The following CTNNA2 variants were observed in gnomAD, a reference collection of about 807,000 sequenced individuals.
The protein encoded by CTNNA2 is catenin alpha 2, also known as catenin alpha-2.
In CTNNA2, 42 loss-of-function variants were observed where a neutral mutation model predicts 101.0. That is an observed-to-expected ratio of 0.42 (90% CI 0.32 to 0.54). The LOEUF (loss-of-function observed/expected upper bound fraction) is 0.54, where lower values mean the gene tolerates loss of function less well. Ranked by LOEUF, CTNNA2 falls within the 20% of genes least tolerant of loss-of-function variation. CTNNA2 has a pLI of 0.14. For missense variants in CTNNA2, 871 were observed against 1,223.1 expected, an observed-to-expected ratio of 0.71 and a Z score of 4.29; for synonymous variants, 450 against 456.4, an observed-to-expected ratio of 0.99 and a Z score of 0.18.
chr2:80,345,307 G>C (rs1273860437), intron 7 of CTNNA2, among the ~76,000 whole-genome samples: 1 of 152,138 alleles, frequency 6.6e-6, no homozygotes, highest in Non-Finnish European at 1.5e-5. Flanking sequence ...TCCTGCTTCA[G>C]AGCCATTTAC....
In CTNNA2 at chr2:80,172,397, C is replaced by T. The variant is rs116894841; in HGVS notation, c.1057-220814C>T. ...AGACTATGGGGTTTGTTCCTTTAAC[C>T]GATACTGTAGGAAGGACACTGTTCT... On this transcript the variant is annotated intron_variant, in intron 7 of 18. Coordinates refer to ENST00000402739, the MANE Select transcript of CTNNA2 (RefSeq NM_001282597.3). Among the ~76,000 whole-genome samples, 81 of 152,192 alleles carry T rather than the reference C, an allele frequency of 5.3e-4. No homozygotes were observed. The East Asian group carries it at 0.01, about 20-fold the overall frequency.
intron 1 of CTNNA2, among the ~76,000 whole-genome samples, chr2:79,589,950 A>C (rs1405248357): frequency 2.6e-5 from 4 of 152,192 alleles, no homozygotes; most frequent in African/African-American, 9.6e-5. Flanking sequence ...AGGTATACAC[A>C]ATCAAAGTCA....
chr2:80,466,814 G>T (rs568326560), intron 9 of CTNNA2, among the ~76,000 whole-genome samples: 1 of 152,144 alleles, frequency 6.6e-6, no homozygotes, highest in African/African-American at 2.4e-5. Flanking sequence ...TAAATTTGGG[G>T]TTCCCCAAGG....
intron 2 of CTNNA2, among the ~76,000 whole-genome samples, chr2:79,727,736 C>T (rs1038204528): frequency 9.0e-6 from 1 of 110,916 alleles, no homozygotes; most frequent in African/African-American, 3.5e-5. Context: ...CCTCCCCCCA[C>T]CCCACAACGG....
In CTNNA2 at chr2:80,336,188, G is replaced by T. The variant is rs545040976; in HGVS notation, c.1057-57023G>T. 2.6e-5 allele frequency among the ~76,000 whole-genome samples: 4 copies of T among 152,286 alleles called. No individual in the cohort carries two copies. In the South Asian group the frequency reaches 8.3e-4, roughly 32 times the overall value. ...CAAGATTAGGGCTCCAGCATATTCA[G>T]TGTCTGGTGAGGGTTCGTTCCTCAT... On this transcript the variant is annotated intron_variant, in intron 7 of 18. Transcript: ENST00000402739.
chr2:80,162,600 T>C, intron 7 of CTNNA2: 1 of 1,610,980 alleles, frequency 6.2e-7, no homozygotes, highest in South Asian at 1.1e-5. Context: ...GTAACGCTGT[T>C]CCCGGCTATA....
chr2:80,138,215 C>T (rs1702804766), intron 7 of CTNNA2, among the ~76,000 whole-genome samples: 1 of 152,104 alleles, frequency 6.6e-6, no homozygotes, highest in Non-Finnish European at 1.5e-5. Context: ...GATATGGCTC[C>T]TTTGCTTAAA....
At chr2:80,167,479 G>A (rs2148956216) in intron 7 of CTNNA2, among the ~76,000 whole-genome samples, 1 of 152,198 alleles carries the variant, frequency 6.6e-6, no homozygotes, top group Middle Eastern at 3.4e-3. Context: ...GCAATCTTTG[G>A]TAAAATGGGA....
chr2:79,599,410 A>G (rs1051033625), intron 1 of CTNNA2, among the ~76,000 whole-genome samples: 5 of 152,198 alleles, frequency 3.3e-5, no homozygotes, highest in African/African-American at 1.2e-4. Context: ...ACCATTGAAC[A>G]TAAAAATAAA....
intron 4 of CTNNA2, among the ~76,000 whole-genome samples, chr2:79,436,923 G>T (rs1366360045): frequency 6.6e-6 from 1 of 151,548 alleles, no homozygotes; most frequent in Admixed American, 6.6e-5. Flanking sequence ...GAGCCACCAT[G>T]CCCGGCCCAA....
At chr2:79,618,253 T>A (rs562521485) in intron 1 of CTNNA2, among the ~76,000 whole-genome samples, 5 of 152,364 alleles carry the variant, frequency 3.3e-5, no homozygotes, top group African/African-American at 1.2e-4. Context: ...TCATTTGAAT[T>A]TCCTTGGAGG....
chr2:79,368,628 C>T (rs1387159783), intron 3 of CTNNA2, among the ~76,000 whole-genome samples: 3 of 152,178 alleles, frequency 2.0e-5, no homozygotes, highest in Admixed American at 6.5e-5. Flanking sequence ...ACATCTTTGA[C>T]ATTTCCTCCA....
intron 7 of CTNNA2, among the ~76,000 whole-genome samples, chr2:80,002,982 A>G (rs749638789): frequency 3.3e-5 from 5 of 152,098 alleles, no homozygotes; most frequent in Non-Finnish European, 7.3e-5. Context: ...CTGGGCTCAG[A>G]TATTTTCACA....
At chr2:80,175,105 A>T (rs1705312012) in intron 7 of CTNNA2, among the ~76,000 whole-genome samples, 1 of 151,934 alleles carries the variant, frequency 6.6e-6, no homozygotes, top group African/African-American at 2.4e-5. Flanking sequence ...CCTTCTCTTG[A>T]TTTCTCTGGA....
At chr2:80,013,845 A>G (rs1477176739) in intron 7 of CTNNA2, among the ~76,000 whole-genome samples, 1 of 152,232 alleles carries the variant, frequency 6.6e-6, no homozygotes, top group Non-Finnish European at 1.5e-5. Flanking sequence ...GATTGCCTCT[A>G]GAAACGAATT....
intron 4 of CTNNA2, among the ~76,000 whole-genome samples, chr2:79,379,504 C>T (rs1678016691): frequency 6.6e-6 from 1 of 152,138 alleles, no homozygotes; most frequent in Non-Finnish European, 1.5e-5. Context: ...CCTGTATACA[C>T]TTATGTCTAC....
chr2:79,664,705 C>CTTTTTTTTTTTT lies in CTNNA2; in HGVS notation c.102+13062_102+13073dup, dbSNP rs67782114. Among the ~76,000 whole-genome samples, 35 of 94,986 alleles carry CTTTTTTTTTTTT rather than the reference C, an allele frequency of 3.7e-4. 3 individuals carry two copies. The highest frequency in any genetic ancestry group is 1.5e-3 in the African/African-American group (35 of 22,944). 62.3% of individuals were successfully genotyped at this position (94,986 alleles called of 152,430 possible). A position where few individuals can be genotyped will look rare whatever the true frequency, so the allele number is the denominator to read the frequency against. ...TAAATTCTGGAGAATTCACATTCTTCTTTTTTTTTTTTTTTTTTTTTTTTT... is the reference window on the plus strand; with the variant it reads ...TAAATTCTGGAGAATTCACATTCTTCTTTTTTTTTTTTTTTTTTTTTTTTTTTTTTTTTTTTT... On this transcript the variant is annotated intron_variant, in intron 2 of 18. Transcript: ENST00000402739.
chr2:80,245,794 CTTTTTTTTTTTT>C lies in CTNNA2; in HGVS notation c.1057-147399_1057-147388del, dbSNP rs34625586. ...ATTTAAAACTGTGATTATGATTTAA[CTTTTTTTTTTTT>C]TTTTTTTTTTTTTTTTTGCACTCTG... On this transcript the variant is annotated intron_variant, in intron 7 of 18. Coordinates refer to ENST00000402739, the MANE Select transcript of CTNNA2 (RefSeq NM_001282597.3). Among the ~76,000 whole-genome samples, 26 of 58,962 alleles carry C rather than the reference CTTTTTTTTTTTT, an allele frequency of 4.4e-4. 1 individual carries two copies. The East Asian group carries it at 8.9e-3, about 20-fold the overall frequency. The allele number at this position is 58,962 out of a possible 152,430, so 38.7% of individuals were successfully genotyped here.
intron 4 of CTNNA2, among the ~76,000 whole-genome samples, chr2:79,427,916 T>C (rs1174552779): frequency 6.6e-6 from 1 of 152,106 alleles, no homozygotes; most frequent in Non-Finnish European, 1.5e-5. Flanking sequence ...TACTAGATAC[T>C]TGAGAGGAAA....
Sources: gnomAD v4.1 joint callset for allele counts (sites outside exome capture counted in the v4.1 genomes callset) on GRCh38, gnomAD v4.1.1 for gene constraint, MANE v1.5 for transcripts, NCBI Gene and HGNC (gene_info 2026-07-23, HGNC 2026-07-21) for gene names.